The following DLGAP2 variants were observed in gnomAD, a reference collection of about 807,000 sequenced individuals.
DLGAP2 encodes the protein disks large-associated protein 2.
DLGAP2 carries 26 observed loss-of-function variants against 100.3 expected under a neutral mutation model. That is an observed-to-expected ratio of 0.26 (90% CI 0.19 to 0.36). The LOEUF (loss-of-function observed/expected upper bound fraction) is 0.36, where lower values mean the gene tolerates loss of function less well. DLGAP2 is among the 10% of genes least tolerant of loss of function. The probability of loss-of-function intolerance (pLI) is 1.00; values close to 1 mark genes in which losing one functional copy is unlikely to be tolerated. For missense variants in DLGAP2, 1,858 were observed against 1,453.2 expected (o/e 1.28, Z -4.53); for synonymous variants, 886 against 630.1 (o/e 1.41, Z -6.08).
At chr8:1,367,781 A>G (rs960713554) in intron 3 of DLGAP2, among the ~76,000 whole-genome samples, 2 of 152,222 alleles carry the variant, frequency 1.3e-5, no homozygotes, top group African/African-American at 4.8e-5. Context: ...TCTGTTGTGT[A>G]TTTACGGTGT....
chr8:1,310,544 T>C (rs1440146993), intron 3 of DLGAP2, among the ~76,000 whole-genome samples: 1 of 152,216 alleles, frequency 6.6e-6, no homozygotes, highest in East Asian at 1.9e-4. Context: ...AAATACACAT[T>C]CTTCTCAAGT....
At chr8:1,566,047 A>AT (rs372181339) in intron 6 of DLGAP2, among the ~76,000 whole-genome samples, 153 bp downstream of exon 6, 2 of 152,180 alleles carry the variant, frequency 1.3e-5, no homozygotes, top group Admixed American at 6.5e-5. Context: ...ATTTTCAAGT[A>AT]TTTTTTTAAA....
Position 795,757 on chromosome 8 carries a change from A to G in DLGAP2, c.18+57932A>G, listed in dbSNP as rs1469675005. On this transcript the variant is annotated intron_variant, in intron 1 of 14. Coordinates refer to ENST00000637795, the MANE Select transcript of DLGAP2 (RefSeq NM_001346810.2). ...AGGCGTCCAGTGAGAACAGGCGTCCAGTGAGAGCAGGCGTCCAGTGAGAGC... is the reference window on the plus strand; with the variant it reads ...AGGCGTCCAGTGAGAACAGGCGTCCGGTGAGAGCAGGCGTCCAGTGAGAGC... Among the ~76,000 whole-genome samples the G allele has an allele frequency of 2.5e-4, 36 of 141,222 alleles. 1 individual carries two copies. The highest frequency in any genetic ancestry group is 7.3e-4 in the South Asian group (3 of 4,092). 92.6% of individuals were successfully genotyped at this position (141,222 alleles called of 152,430 possible).
At chr8:1,408,405 A>G (rs143339741) in intron 3 of DLGAP2, among the ~76,000 whole-genome samples, 4 of 151,778 alleles carry the variant, frequency 2.6e-5, no homozygotes, top group African/African-American at 9.7e-5. Context: ...AGTTCGCCAC[A>G]ACCTGTTAGT....
chr8:1,063,382 G>A (rs1035149741), intron 2 of DLGAP2, among the ~76,000 whole-genome samples: 1 of 152,166 alleles, frequency 6.6e-6, no homozygotes, highest in East Asian at 1.9e-4. Context: ...CCGAGGTCTC[G>A]GGGTTGTACC....
At chr8:927,124 A>G in intron 2 of DLGAP2, 1 of 985,400 alleles carries the variant, frequency 1.0e-6, no homozygotes, top group East Asian at 1.1e-4. Flanking sequence ...GAGCAAACTA[A>G]TCGATTGTAA....
chr8:842,420 C>A (rs1250124862), intron 1 of DLGAP2, among the ~76,000 whole-genome samples: 5 of 152,202 alleles, frequency 3.3e-5, no homozygotes, highest in Non-Finnish European at 5.9e-5. Context: ...GTTGAACAGG[C>A]ACGTGCTTGA....
intron 3 of DLGAP2, among the ~76,000 whole-genome samples, chr8:1,264,485 C>G (rs1455195881): frequency 6.6e-6 from 1 of 152,158 alleles, no homozygotes; most frequent in Non-Finnish European, 1.5e-5. Context: ...ATGAGAAATG[C>G]ACACTCCAGG....
Position 1,701,424 on chromosome 8 carries a change from T to C in DLGAP2, c.*18T>C, listed in dbSNP as rs776569769. On this transcript the variant is annotated 3_prime_UTR_variant, in exon 15 of 15. Transcript: ENST00000637795. ...GGCTCTGAGGGCGGAGGCCGGCGCC[T>C]TCCCCTCGTCGCTTCCGCTTTCCCG... The C allele has an allele frequency of 2.2e-5, 34 of 1,564,230 alleles. No homozygotes were observed. The highest frequency in any genetic ancestry group is 1.9e-5 in the Admixed American group (1 of 53,568).
Position 1,025,639 on chromosome 8 carries a change from C to G in DLGAP2, c.73+117673C>G, listed in dbSNP as rs571471440. ...TGGAGAACCTTCCACATTTGGTCTT[C>G]TCTGTACTTGCCCACCCTCCCCTAG... On this transcript the variant is annotated intron_variant, in intron 2 of 14. Coordinates refer to ENST00000637795, the MANE Select transcript of DLGAP2 (RefSeq NM_001346810.2). Among the ~76,000 whole-genome samples, 5 of 152,160 alleles carry G rather than the reference C, an allele frequency of 3.3e-5. No individual in the cohort carries two copies. The South Asian group carries it at 6.2e-4, about 19-fold the overall frequency.
At chr8:1,490,890 G>C (rs1469460987) in intron 3 of DLGAP2, among the ~76,000 whole-genome samples, 1 of 151,182 alleles carries the variant, frequency 6.6e-6, no homozygotes, top group African/African-American at 2.4e-5. Context: ...GGGGGGACGG[G>C]GGAGGGATAG....
chr8:1,079,154 T>A (rs745356814), intron 2 of DLGAP2, among the ~76,000 whole-genome samples: 13 of 152,220 alleles, frequency 8.5e-5, no homozygotes, highest in Non-Finnish European at 1.8e-4. Context: ...TGAGAAGTGG[T>A]GTGGAGTGTC....
At chr8:844,984 G>A (rs1379069836) in intron 1 of DLGAP2, among the ~76,000 whole-genome samples, 1 of 152,164 alleles carries the variant, frequency 6.6e-6, no homozygotes, top group Non-Finnish European at 1.5e-5. Flanking sequence ...TTTAAGGTTC[G>A]TCCATGTCAT....
At chr8:1,263,403 C>A (rs151149416) in intron 3 of DLGAP2, among the ~76,000 whole-genome samples, 1 of 152,106 alleles carries the variant, frequency 6.6e-6, no homozygotes, top group African/African-American at 2.4e-5. Flanking sequence ...TTTGGGAAGA[C>A]CTACAGAATC....
At chr8:1,449,745 T>C (rs1446123469) in intron 3 of DLGAP2, among the ~76,000 whole-genome samples, 1 of 151,732 alleles carries the variant, frequency 6.6e-6, no homozygotes, top group African/African-American at 2.4e-5. Context: ...GGATGCAGGA[T>C]GCGAATGGGA....
At chr8:1,681,303 G>C (rs1260458634) in intron 12 of DLGAP2, among the ~76,000 whole-genome samples, 1 of 151,304 alleles carries the variant, frequency 6.6e-6, no homozygotes, top group Non-Finnish European at 1.5e-5. Context: ...ATTTTTTCAA[G>C]GATTATCATT....
intron 6 of DLGAP2, among the ~76,000 whole-genome samples, chr8:1,607,545 G>A (rs1310553745): frequency 6.6e-6 from 1 of 152,266 alleles, no homozygotes; most frequent in East Asian, 1.9e-4. Context: ...CATCGGGCCT[G>A]TGTAAATATA....
intron 2 of DLGAP2, among the ~76,000 whole-genome samples, chr8:1,126,626 G>T (rs947271290): frequency 2.6e-5 from 4 of 152,114 alleles, no homozygotes; most frequent in Non-Finnish European, 5.9e-5. Flanking sequence ...GTAGGGTCTC[G>T]GGGTGATCAG....
At chr8:1,687,317 G>C (rs955643633) in intron 12 of DLGAP2, among the ~76,000 whole-genome samples, 23 of 152,308 alleles carry the variant, frequency 1.5e-4, no homozygotes, top group African/African-American at 5.1e-4. Context: ...AAATTTCTTT[G>C]TACATGGAAG....
Sources: allele counts gnomAD v4.1 joint callset (sites outside exome capture counted in the v4.1 genomes callset), GRCh38; gene constraint gnomAD v4.1.1; transcripts MANE v1.5; gene names NCBI Gene and HGNC (gene_info 2026-07-23, HGNC 2026-07-21).